BBX: variants seen among roughly 807,000 people sequenced by gnomAD.
The protein encoded by BBX is BBX high mobility group box domain containing, also known as HMG box transcription factor BBX.
BBX carries 30 observed loss-of-function variants against 100.2 expected under a neutral mutation model. That is an observed-to-expected ratio of 0.30 (90% confidence interval 0.22 to 0.41). The LOEUF is 0.41. Among genes scored for constraint, BBX ranks in the 10% least tolerant of loss-of-function variants. BBX has a pLI of 1.00. For synonymous variants in BBX, 376 were observed against 388.1 expected, an observed-to-expected ratio of 0.97 and a Z score of 0.37; for missense variants, 1,023 against 1,129.8, an observed-to-expected ratio of 0.91 and a Z score of 1.35.
At chr3:107,602,365 G>T (rs1487880573) in intron 2 of BBX, among the ~76,000 whole-genome samples, 1 of 152,106 alleles carries the variant, frequency 6.6e-6, no homozygotes, top group Non-Finnish European at 1.5e-5. Context: ...GATGGATCTG[G>T]GCATAGTCAT....
chr3:107,532,418 T>A (rs1029777272), intron 2 of BBX, among the ~76,000 whole-genome samples: 1 of 152,102 alleles, frequency 6.6e-6, no homozygotes, highest in Non-Finnish European at 1.5e-5. Flanking sequence ...ACATGGAAAA[T>A]TGTAAATTAT....
intron 2 of BBX, among the ~76,000 whole-genome samples, chr3:107,621,442 CAT>C (rs759785977): frequency 6.2e-4 from 95 of 152,256 alleles, no homozygotes; most frequent in Non-Finnish European, 9.6e-4. Flanking sequence ...TGGATATGCA[CAT>C]GTTTCATTTT....
chr3:107,798,819 A>G (rs1182494976), intron 16 of BBX, 99 bp downstream of exon 16: 1 of 1,169,320 alleles, frequency 8.6e-7, no homozygotes, highest in Non-Finnish European at 1.2e-6. Context: ...AAATACACTA[A>G]CAATAGCCAA....
At chr3:107,628,826 A>G (rs1358930087) in intron 2 of BBX, among the ~76,000 whole-genome samples, 1 of 152,154 alleles carries the variant, frequency 6.6e-6, no homozygotes, top group Non-Finnish European at 1.5e-5. Flanking sequence ...TTAAAATAAA[A>G]TGGGAACTTA....
intron 13 of BBX, among the ~76,000 whole-genome samples, chr3:107,787,358 G>A (rs1325023033): frequency 6.6e-6 from 1 of 152,108 alleles, no homozygotes; most frequent in Non-Finnish European, 1.5e-5. Flanking sequence ...GATACATGCC[G>A]TAGCATGGAG....
intron 4 of BBX, chr3:107,711,467 T>C (rs2061718136): frequency 2.7e-6 from 1 of 367,316 alleles, no homozygotes; most frequent in Non-Finnish European, 5.4e-6. Flanking sequence ...TTTCAGGCCT[T>C]TGACATCCAT....
rs141998638 is a variant in BBX at position 107,775,445 on chromosome 3, G to A, written c.2054+588G>A. Among the ~76,000 whole-genome samples, 364 of 152,042 alleles carry A rather than the reference G, an allele frequency of 2.4e-3. 2 individuals carry two copies. The highest frequency in any genetic ancestry group is 4.3e-3 in the Non-Finnish European group (290 of 67,958). On this transcript the variant is annotated intron_variant, in intron 12 of 17. Coordinates refer to ENST00000325805, the MANE Select transcript of BBX (RefSeq NM_001142568.3). Reference sequence around the variant, plus strand: ...ACTTAAGAATTATTTTATATTTAACGTTATGCCAAAGACTGTTAATAACCA... The same window carrying A: ...ACTTAAGAATTATTTTATATTTAACATTATGCCAAAGACTGTTAATAACCA...
chr3:107,578,759 T>C (rs995344594), intron 2 of BBX, among the ~76,000 whole-genome samples: 1 of 152,082 alleles, frequency 6.6e-6, no homozygotes, highest in East Asian at 1.9e-4. Context: ...CATCCAGAGG[T>C]TCACAGGGAG....
chr3:107,698,012 C>T (rs1417410303), intron 3 of BBX, among the ~76,000 whole-genome samples: 1 of 151,936 alleles, frequency 6.6e-6, no homozygotes, highest in Non-Finnish European at 1.5e-5. Context: ...CTCCCTGACC[C>T]CTTGCGCTTC....
intron 16 of BBX, among the ~76,000 whole-genome samples, chr3:107,799,393 C>A (rs886321659): frequency 2.0e-5 from 3 of 152,082 alleles, no homozygotes; most frequent in African/African-American, 7.2e-5. Context: ...TTTCTACAGA[C>A]CTCCAAACAT....
intron 2 of BBX, among the ~76,000 whole-genome samples, chr3:107,573,512 A>G (rs1470821206): frequency 9.2e-5 from 14 of 151,988 alleles, no homozygotes. Flanking sequence ...AGCTGATGAG[A>G]TCACGCCATT....
intron 5 of BBX, among the ~76,000 whole-genome samples, chr3:107,724,649 A>C (rs1450648515): frequency 6.6e-6 from 1 of 152,108 alleles, no homozygotes; most frequent in Non-Finnish European, 1.5e-5. Flanking sequence ...TCCCAGCACC[A>C]TTTGTTAAAT....
At chr3:107,716,582 C>T (rs1341198537) in intron 4 of BBX, 25 bp from the exon 5 acceptor site, 1 of 1,604,472 alleles carries the variant, frequency 6.2e-7, no homozygotes, top group Admixed American at 1.7e-5. Context: ...TGTTAAAGAT[C>T]TGGCTTTGTT....
At chr3:107,668,719 G>T (rs1202968229) in intron 3 of BBX, among the ~76,000 whole-genome samples, 1 of 152,114 alleles carries the variant, frequency 6.6e-6, no homozygotes, top group African/African-American at 2.4e-5. Flanking sequence ...TCACTCATTG[G>T]AGCTTAATCA....
Position 107,728,911 on chromosome 3 carries a change from C to G in BBX, c.552C>G (p.Pro184=). ...ACTCTTCAAGAGACTTGCCAAGCCC[C>G]AAGAAAGCAAAGACTGAAGAAATGC... ...PSDSSRDLPS[P]KKAKTEEMPQ... is the part of the protein sequence containing the mutation. The change falls in exon 6 of 18, where the codon CCC becomes CCG. Residue 184 remains proline (P), a synonymous_variant. Coordinates refer to ENST00000325805, the MANE Select transcript of BBX (RefSeq NM_001142568.3). 3 of 1,613,740 alleles carry G rather than the reference C, an allele frequency of 1.9e-6. No homozygotes were observed. In the East Asian group the frequency reaches 6.7e-5, roughly 36 times the overall value.
In BBX at chr3:107,809,155, A is replaced by G. The variant is rs1031815209; in HGVS notation, c.*3698A>G. 1 of 152,238 alleles carries G rather than the reference A, an allele frequency of 6.6e-6. No homozygotes were observed. Among genetic ancestry groups the G allele is most frequent in the Non-Finnish European group, 1.5e-5 (1 of 68,032 alleles). The allele number at this position is 152,238 out of a possible 1,614,324, so 9.4% of individuals were successfully genotyped here. On this transcript the variant is annotated 3_prime_UTR_variant, in exon 18 of 18. Coordinates refer to ENST00000325805, the MANE Select transcript of BBX (RefSeq NM_001142568.3). ...TATGTAAAGTCACAAGCTAATTACAAATTGCTACAGAACAGGAGTAAGCTG... is the reference window on the plus strand; with the variant it reads ...TATGTAAAGTCACAAGCTAATTACAGATTGCTACAGAACAGGAGTAAGCTG...
At chr3:107,671,078 A>T (rs574257125) in intron 3 of BBX, among the ~76,000 whole-genome samples, 16 of 150,998 alleles carry the variant, frequency 1.1e-4, no homozygotes, top group Admixed American at 4.0e-4. Context: ...TTTTAAAAAA[A>T]TTTTTTGGAG....
At chr3:107,566,596 C>T in intron 2 of BBX, among the ~76,000 whole-genome samples, 1 of 147,248 alleles carries the variant, frequency 6.8e-6, no homozygotes, top group African/African-American at 2.5e-5. Context: ...TTGGCAACTG[C>T]TTTAGTATTT....
intron 10 of BBX, among the ~76,000 whole-genome samples, chr3:107,758,578 G>A (rs376545363): frequency 2.0e-5 from 3 of 152,164 alleles, no homozygotes; most frequent in South Asian, 2.1e-4. Flanking sequence ...CTGGTTTGCC[G>A]TCCTTATACT....
Sources: allele counts gnomAD v4.1 joint callset (sites outside exome capture counted in the v4.1 genomes callset), GRCh38; gene constraint gnomAD v4.1.1; transcripts MANE v1.5; gene names NCBI Gene and HGNC (gene_info 2026-07-23, HGNC 2026-07-21).